Variants in TANK observed in about 807,000 individuals in gnomAD.
TANK encodes the protein TRAF family member-associated NF-kappa-B activator.
In TANK, 15 loss-of-function variants were observed where a neutral mutation model predicts 43.6. The observed-to-expected ratio is 0.34, with a 90% CI of 0.23 to 0.53. The LOEUF (loss-of-function observed/expected upper bound fraction) is 0.53, where lower values mean the gene tolerates loss of function less well. Among genes scored for constraint, TANK ranks in the 20% least tolerant of loss-of-function variants. TANK has a pLI of 0.94. For synonymous variants in TANK, 162 were observed against 178.2 expected, an observed-to-expected ratio of 0.91 and a Z score of 0.73; for missense variants, 417 against 498.6, an observed-to-expected ratio of 0.84 and a Z score of 1.56.
chr2:161,207,372 T>A (rs1012818639), intron 4 of TANK: 34 of 967,926 alleles, frequency 3.5e-5, no homozygotes, highest in Non-Finnish European at 4.1e-5. Context: ...AGGTTTATGT[T>A]TTAGCCACAT....
chr2:161,149,445 C>T (rs1238029945), intron 1 of TANK, among the ~76,000 whole-genome samples: 1 of 152,130 alleles, frequency 6.6e-6, no homozygotes, highest in East Asian at 1.9e-4. Flanking sequence ...AATAGTTTTA[C>T]CTCTTCCTTT....
intron 1 of TANK, among the ~76,000 whole-genome samples, chr2:161,172,716 G>A (rs1685006293): frequency 6.6e-6 from 1 of 152,112 alleles, no homozygotes; most frequent in Non-Finnish European, 1.5e-5. Flanking sequence ...TAACTAGAAT[G>A]TAGATTCTGA....
chr2:161,143,674 C>A (rs150666827), intron 1 of TANK, among the ~76,000 whole-genome samples: 5,699 of 152,184 alleles, frequency 0.037, 239 homozygotes, highest in East Asian at 0.19. Flanking sequence ...CTGACTTGAT[C>A]TTGGTGGATA....
intron 1 of TANK, among the ~76,000 whole-genome samples, chr2:161,165,492 C>T (rs189588117): frequency 6.6e-6 from 1 of 152,212 alleles, no homozygotes; most frequent in East Asian, 1.9e-4. Context: ...TTTGGAATCC[C>T]AAAAGTAGAA....
chr2:161,166,279 G>A (rs954422315), intron 1 of TANK, among the ~76,000 whole-genome samples: 3 of 152,214 alleles, frequency 2.0e-5, no homozygotes, highest in South Asian at 2.1e-4. Flanking sequence ...CAGAAACAGC[G>A]TAGTACAATA....
At chr2:161,208,901 T>A (rs1459722723) in intron 4 of TANK, among the ~76,000 whole-genome samples, 2 of 152,202 alleles carry the variant, frequency 1.3e-5, no homozygotes, top group Non-Finnish European at 2.9e-5. Flanking sequence ...GAAATTAAGC[T>A]GCACCCCTTG....
intron 2 of TANK, among the ~76,000 whole-genome samples, chr2:161,196,325 C>T (rs1208880262): frequency 6.6e-6 from 1 of 151,964 alleles, no homozygotes; most frequent in Non-Finnish European, 1.5e-5. Flanking sequence ...CAGTTGGCCA[C>T]ATAGATCTAT....
chr2:161,201,152 T>C, intron 2 of TANK: 2 of 985,466 alleles, frequency 2.0e-6, no homozygotes, highest in Non-Finnish European at 2.4e-6. Context: ...TTCCAGAGTG[T>C]TGGTTTTTAA....
chr2:161,215,456 G>A (rs1363758302), intron 4 of TANK, among the ~76,000 whole-genome samples: 3 of 152,056 alleles, frequency 2.0e-5, no homozygotes, highest in Non-Finnish European at 4.4e-5. Flanking sequence ...TAAGTCTAGA[G>A]CAGACTCTGA....
intron 4 of TANK, chr2:161,207,810 C>G (rs1686714285): frequency 3.0e-6 from 3 of 985,162 alleles, no homozygotes; most frequent in African/African-American, 1.7e-5. Flanking sequence ...ATGTCTGTTG[C>G]AGTTTTTTAA....
intron 4 of TANK, chr2:161,212,576 T>C (rs1686939644): frequency 2.0e-6 from 2 of 985,026 alleles, no homozygotes; most frequent in South Asian, 9.4e-5. Context: ...GAAAAGAAAA[T>C]AAGAAGTGAT....
upstream of TANK, chr2:161,160,334 C>G: frequency 1.1e-6 from 1 of 906,202 alleles, no homozygotes. Context: ...GGCGGAAGGG[C>G]CCTGGCCTTG....
chr2:161,178,312 A>G (rs931631933), intron 1 of TANK, among the ~76,000 whole-genome samples: 1 of 152,146 alleles, frequency 6.6e-6, no homozygotes, highest in Non-Finnish European at 1.5e-5. Context: ...ACAATGGAAT[A>G]TTATTTAGCC....
At chr2:161,224,769 G>T in intron 6 of TANK, 23 bp downstream of exon 6, 1 of 1,352,342 alleles carries the variant, frequency 7.4e-7, no homozygotes, top group Non-Finnish European at 1.0e-6. Flanking sequence ...TTAATTTACA[G>T]TAATATTGAT....
rs575347391 is a variant in TANK, at chr2:161,226,384, A to C, written c.520+1638A>C. Among the ~76,000 whole-genome samples the C allele has an allele frequency of 3.3e-5, 5 of 152,264 alleles. No individual in the cohort carries two copies. The South Asian group carries it at 1.0e-3, about 32-fold the overall frequency. The stretch of plus-strand genomic sequence containing the variant: ...TATTTTGTGCTACAGACTCTAGTGA[A>C]GTTTTGCTGGGGTCCAAAGAGAAAC... On this transcript the variant is annotated intron_variant, in intron 6 of 7. Transcript: ENST00000392749.
intron 1 of TANK, among the ~76,000 whole-genome samples, chr2:161,165,439 A>G (rs1281405602): frequency 6.6e-6 from 1 of 152,188 alleles, no homozygotes; most frequent in Non-Finnish European, 1.5e-5. Context: ...ACAACCATTT[A>G]TTATGTGGCA....
At chr2:161,164,149 T>A (rs1289715040) in intron 1 of TANK, among the ~76,000 whole-genome samples, 1 of 152,220 alleles carries the variant, frequency 6.6e-6, no homozygotes, top group African/African-American at 2.4e-5. Context: ...GACTGCATGT[T>A]TTTTAAAACC....
intron 1 of TANK, among the ~76,000 whole-genome samples, chr2:161,147,401 T>C (rs1163709467): frequency 1.3e-5 from 2 of 148,318 alleles, no homozygotes; most frequent in African/African-American, 2.5e-5. Flanking sequence ...TGAGTGGCTG[T>C]TGAGAATCAG....
chr2:161,145,403 C>A lies in TANK; in HGVS notation c.-50+8340C>A, dbSNP rs1043296692. Among the ~76,000 whole-genome samples the A allele has an allele frequency of 3.3e-5, 5 of 151,816 alleles. No homozygotes were observed. In the South Asian group the frequency reaches 8.3e-4, roughly 25 times the overall value. ...TGGTTATTTTGCACACTAGTTGATG[C>A]AGTTTTTTCATAGTGTCATTGGTCT... On this transcript the variant is annotated intron_variant, in intron 1 of 7. Transcript: ENST00000259075.
Sources: gnomAD v4.1 joint callset for allele counts (sites outside exome capture counted in the v4.1 genomes callset) on GRCh38, gnomAD v4.1.1 for gene constraint, MANE v1.5 for transcripts, NCBI Gene and HGNC (gene_info 2026-07-23, HGNC 2026-07-21) for gene names.